NSUN4: variants seen among roughly 807,000 people sequenced by gnomAD.
NSUN4 encodes the protein 5-cytosine rRNA methyltransferase NSUN4.
Under a neutral mutation model 43.8 loss-of-function variants are expected in NSUN4, and 31 were observed. The observed-to-expected ratio is 0.71, with a 90% CI of 0.53 to 0.96. The LOEUF (loss-of-function observed/expected upper bound fraction) is 0.96. Among genes scored for constraint, NSUN4 ranks in the 40% least tolerant of loss-of-function variants. The probability of loss-of-function intolerance (pLI) is 0.00; values close to 1 mark genes in which losing one functional copy is unlikely to be tolerated. For missense variants in NSUN4, 439 were observed against 475.6 expected (o/e 0.92, Z 0.72); for synonymous variants, 167 against 184.1 (o/e 0.91, Z 0.75).
chr1:46,353,720 A>G (rs893842226), intron 4 of NSUN4, among the ~76,000 whole-genome samples: 3 of 151,386 alleles, frequency 2.0e-5, no homozygotes, highest in Non-Finnish European at 4.4e-5. Flanking sequence ...CTCGTGATCC[A>G]CCCGCCTCGG....
intron 4 of NSUN4, among the ~76,000 whole-genome samples, chr1:46,359,439 G>T (rs1441651350): frequency 6.6e-6 from 1 of 151,840 alleles, no homozygotes; most frequent in African/African-American, 2.4e-5. Context: ...GAGTGCAGTG[G>T]CGCGGTCTTG....
chr1:46,353,230 C>T (rs1433599234), intron 4 of NSUN4, among the ~76,000 whole-genome samples: 6 of 152,084 alleles, frequency 3.9e-5, no homozygotes, highest in Non-Finnish European at 5.9e-5. Context: ...AGATAGTTGG[C>T]AGCAAAAAAG....
chr1:46,345,012 C>G lies in NSUN4; in HGVS notation c.305C>G (p.Ala102Gly), dbSNP rs762427408. 6.2e-7 allele frequency: 1 copy of G among 1,614,138 alleles called. No individual in the cohort carries two copies. The highest frequency in any genetic ancestry group is 8.5e-7 in the Non-Finnish European group (1 of 1,179,992). ...QLSAKDFVNE[A>G]ISHWELQSEG... ...AGTGCCAAGGATTTTGTGAATGAAG[C>G]CATCTCCCACTGGGAACTGCAGTCT... The change falls in exon 2 of 6, where the codon GCC becomes GGC. Residue 102 changes from alanine to glycine, a missense_variant. Physicochemically the swap from Ala to Gly is moderately conservative, Grantham distance 60 (BLOSUM62 0). Coordinates refer to ENST00000474844, the MANE Select transcript of NSUN4 (RefSeq NM_199044.4).
At chr1:46,358,221 G>C (rs1663526328) in intron 4 of NSUN4, among the ~76,000 whole-genome samples, 1 of 151,908 alleles carries the variant, frequency 6.6e-6, no homozygotes, top group Non-Finnish European at 1.5e-5. Context: ...TCAGCCTCCT[G>C]AGTAGCTGGG....
rs1662370041 is a variant in NSUN4 at position 46,344,886 on chromosome 1, G to T, written c.179G>T (p.Trp60Leu). ...TACAGTGTGCAGTTTGGAGATCTTTGGCCATCAATCCGTGTCAGTCTCCTC... is the reference window on the plus strand; with the variant it reads ...TACAGTGTGCAGTTTGGAGATCTTTTGCCATCAATCCGTGTCAGTCTCCTC... ...MTYSVQFGDL[W>L]PSIRVSLLSE... Residue 60 changes from tryptophan (W) to leucine (L), a missense_variant, in exon 2 of 6, where the codon TGG (tryptophan) becomes TTG (leucine). Physicochemically the swap from Trp to Leu is moderately conservative, Grantham distance 61 (BLOSUM62 -2). Transcript: ENST00000474844. 2 of 1,614,186 alleles carry T rather than the reference G, an allele frequency of 1.2e-6. No homozygotes were observed. Among genetic ancestry groups the T allele is most frequent in the African/African-American group, 2.7e-5 (2 of 75,038 alleles).
Position 46,360,774 on chromosome 1 carries a change from G to T in NSUN4, c.824G>T (p.Arg275Leu). The change falls in exon 5 of 6, where the codon CGG (arginine) becomes CTG (leucine). Residue 275 changes from arginine to leucine, a missense_variant. Arg to Leu is a moderately radical substitution (Grantham distance 102). Transcript: ENST00000474844. ...LHEEENNIFK[R>L]SRKKERQILP... ...GAGGAGGAGAACAACATCTTTAAGC[G>T]GTCAAGGAAGAAGGAGCGACAGATA... 6.2e-7 allele frequency: 1 copy of T among 1,614,028 alleles called. No individual in the cohort carries two copies. The highest frequency in any genetic ancestry group is 8.5e-7 in the Non-Finnish European group (1 of 1,179,936).
intron 4 of NSUN4, among the ~76,000 whole-genome samples, chr1:46,358,138 C>T (rs999948196): frequency 3.9e-5 from 6 of 152,268 alleles, no homozygotes; most frequent in Admixed American, 6.5e-5. Context: ...CTCTGTCACC[C>T]AGGCTGGAGT....
intron 4 of NSUN4, among the ~76,000 whole-genome samples, chr1:46,359,743 T>A (rs1286971749): frequency 1.3e-5 from 2 of 148,372 alleles, no homozygotes; most frequent in African/African-American, 5.0e-5. Flanking sequence ...TAGCTGGGAC[T>A]ACAGGTGCAT....
chr1:46,374,472 G>A, the NSUN4 span, among the ~76,000 whole-genome samples: 6 of 151,664 alleles, frequency 4.0e-5, no homozygotes, highest in Non-Finnish European at 7.4e-5. Flanking sequence ...AGCTGGGCAT[G>A]GTGGTGAGCT....
intron 4 of NSUN4, among the ~76,000 whole-genome samples, chr1:46,357,133 C>T (rs1328205571): frequency 6.6e-6 from 1 of 152,110 alleles, no homozygotes; most frequent in Non-Finnish European, 1.5e-5. Context: ...AAGTGTAGTG[C>T]AACAGTACAA....
chr1:46,368,985 C>T (rs1202927569), downstream of NSUN4, among the ~76,000 whole-genome samples: 1 of 152,212 alleles, frequency 6.6e-6, no homozygotes, highest in Non-Finnish European at 1.5e-5. Flanking sequence ...CTGTGTCTGT[C>T]ATGCCTTGCT....
At chr1:46,358,398 ATTTTTT>A (rs34719174) in intron 4 of NSUN4, among the ~76,000 whole-genome samples, 5 of 95,456 alleles carry the variant, frequency 5.2e-5, no homozygotes, top group African/African-American at 1.3e-4. Flanking sequence ...TCCTGGCCTA[ATTTTTT>A]TTTTTTTTTT....
intron 1 of NSUN4, chr1:46,341,643 CT>C: frequency 8.2e-7 from 1 of 1,222,940 alleles, no homozygotes; most frequent in Non-Finnish European, 1.0e-6. Flanking sequence ...TCCACCATCT[CT>C]TCCACCCCCA....
the NSUN4 span, among the ~76,000 whole-genome samples, chr1:46,375,242 C>T: frequency 3.9e-5 from 6 of 151,936 alleles, no homozygotes; most frequent in East Asian, 1.2e-3. Context: ...TTGAGACCAG[C>T]CTGACCAACA....
Position 46,361,879 on chromosome 1 carries a change from G to GT in NSUN4, c.*33_*34insT, listed in dbSNP as rs769813858. 4.4e-5 allele frequency: 70 copies of GT among 1,583,956 alleles called. No individual in the cohort carries two copies. The East Asian group carries it at 1.6e-3, about 35-fold the overall frequency. ...CAATCCCTGAAGCAAGAATACAAAG[G>GT]GTATACTCTGTTGGATGCACCAGAA... On this transcript the variant is annotated 3_prime_UTR_variant, in exon 6 of 6. Transcript: ENST00000474844.
chr1:46,371,596 G>A, the NSUN4 span, among the ~76,000 whole-genome samples: 3 of 152,052 alleles, frequency 2.0e-5, no homozygotes, highest in Non-Finnish European at 4.4e-5. Context: ...GTGAGCCACC[G>A]TGCTCAGCCT....
chr1:46,377,053 G>A, the NSUN4 span, among the ~76,000 whole-genome samples: 17 of 150,684 alleles, frequency 1.1e-4, no homozygotes, highest in Admixed American at 1.1e-3. Flanking sequence ...CCACTGCACC[G>A]GCCTTTTTTT....
chr1:46,374,235 G>T, the NSUN4 span, among the ~76,000 whole-genome samples: 1 of 140,638 alleles, frequency 7.1e-6, no homozygotes, highest in African/African-American at 2.7e-5. Flanking sequence ...GTGGTGAGCC[G>T]AGATCGCACC....
downstream of NSUN4, among the ~76,000 whole-genome samples, chr1:46,365,486 C>T (rs867059482): frequency 2.0e-5 from 3 of 152,064 alleles, no homozygotes; most frequent in Non-Finnish European, 2.9e-5. Context: ...ATTACAGGCA[C>T]CCACCACCAT....
Sources: allele counts gnomAD v4.1 joint callset (sites outside exome capture counted in the v4.1 genomes callset), GRCh38; gene constraint gnomAD v4.1.1; transcripts MANE v1.5; gene names NCBI Gene and HGNC (gene_info 2026-07-23, HGNC 2026-07-21).